PDE1C: variants seen among roughly 807,000 people sequenced by gnomAD.
PDE1C encodes dual specificity calcium/calmodulin-dependent 3',5'-cyclic nucleotide phosphodiesterase 1C.
PDE1C carries 62 observed loss-of-function variants against 93.1 expected under a neutral mutation model. The ratio of observed to expected loss-of-function variants is 0.67; its 90% CI spans 0.54 to 0.82. The LOEUF (loss-of-function observed/expected upper bound fraction) is 0.82, where lower values mean the gene tolerates loss of function less well. Among genes scored for constraint, PDE1C ranks in the 40% least tolerant of loss-of-function variants. The pLI, the probability that PDE1C is intolerant of heterozygous loss-of-function variation, is 0.00. For synonymous variants in PDE1C, 325 were observed against 310.1 expected, an observed-to-expected ratio of 1.05 and a Z score of -0.50; for missense variants, 742 against 884.6, an observed-to-expected ratio of 0.84 and a Z score of 2.04.
intron 1 of PDE1C, among the ~76,000 whole-genome samples, chr7:32,231,316 TAC>T (rs146711222): frequency 1.6e-4 from 24 of 151,886 alleles, no homozygotes; most frequent in Non-Finnish European, 2.2e-4. Flanking sequence ...CCAACATAAA[TAC>T]ACACACACAC....
At chr7:32,417,638 A>C (rs919385624) in intron 1 of PDE1C, among the ~76,000 whole-genome samples, 3 of 138,242 alleles carry the variant, frequency 2.2e-5, no homozygotes, top group Non-Finnish European at 3.1e-5. Flanking sequence ...GAAAAGTTCT[A>C]TTTTTTTTTT....
chr7:32,359,207 C>A (rs1379445533), intron 1 of PDE1C, among the ~76,000 whole-genome samples: 2 of 152,064 alleles, frequency 1.3e-5, no homozygotes, highest in East Asian at 1.9e-4. Flanking sequence ...ATCCTCCGAC[C>A]ACCTCCCTTT....
the PDE1C span, among the ~76,000 whole-genome samples, chr7:31,720,758 C>T: frequency 2.0e-5 from 3 of 152,230 alleles, no homozygotes; most frequent in South Asian, 2.1e-4. Flanking sequence ...ACAGAGGATG[C>T]TTTTGTTTTT....
chr7:31,875,277 T>A (rs1450517666), intron 5 of PDE1C, among the ~76,000 whole-genome samples: 1 of 152,098 alleles, frequency 6.6e-6, no homozygotes, highest in Non-Finnish European at 1.5e-5. Context: ...AATAAAGAGA[T>A]TATCATGATA....
intron 7 of PDE1C, among the ~76,000 whole-genome samples, chr7:31,855,155 G>A (rs1297385939): frequency 6.6e-6 from 1 of 151,832 alleles, no homozygotes; most frequent in African/African-American, 2.4e-5. Flanking sequence ...TGGGTTCTCT[G>A]GTCAGGGTAT....
rs34494376 is a variant in PDE1C at position 32,370,447 on chromosome 7, C to CAA, written c.310+57373_310+57374dup. On this transcript the variant is annotated intron_variant, in intron 1 of 1. Coordinates refer to the PDE1C transcript ENST00000672256. ...CTGGGCGACAGAGTGAGACTCCTCTCAAAAAAAAAAAAAAAAAGGATGAGT... is the reference window on the plus strand; with the variant it reads ...CTGGGCGACAGAGTGAGACTCCTCTCAAAAAAAAAAAAAAAAAAAGGATGAGT... Among the ~76,000 whole-genome samples the CAA allele has an allele frequency of 2.1e-3, 253 of 120,216 alleles. 5 individuals carry two copies. The highest frequency in any genetic ancestry group is 7.4e-3 in the African/African-American group (239 of 32,466). The allele number at this position is 120,216 out of a possible 152,430, so 78.9% of individuals were successfully genotyped here. A position where few individuals can be genotyped will look rare whatever the true frequency, so the allele number is the denominator to read the frequency against.
chr7:32,341,009 A>G (rs1380977681), intron 1 of PDE1C, among the ~76,000 whole-genome samples: 1 of 152,000 alleles, frequency 6.6e-6, no homozygotes, highest in East Asian at 1.9e-4. Flanking sequence ...ACTTTGGGTG[A>G]TAATGATGTG....
Position 31,999,960 on chromosome 7 carries a change from G to A in PDE1C, c.128+51594C>T, listed in dbSNP as rs1344031038. ...TTCCATGCAGAGGCAGGGAGTTAGG[G>A]GGAGAGTTGAGAGAATCAGATTACA... On this transcript the variant is annotated intron_variant, in intron 2 of 17. Transcript: ENST00000396191. Among the ~76,000 whole-genome samples the A allele has an allele frequency of 4.6e-5, 7 of 152,228 alleles. No homozygotes were observed. In the South Asian group the frequency reaches 6.2e-4, roughly 14 times the overall value.
rs143584668 is a variant in PDE1C, at chr7:32,097,242, G to A, written c.308+72543C>T. 2.4e-3 allele frequency among the ~76,000 whole-genome samples: 373 copies of A among 152,346 alleles called. 2 individuals are homozygous for A. Among genetic ancestry groups the A allele is most frequent in the African/African-American group, 8.8e-3 (364 of 41,574 alleles). ...AGAAACACCCTCCCAGACAGAGTCA[G>A]TACAGTATTTGGCCAGATGTCTAGG... On this transcript the variant is annotated intron_variant, in intron 3 of 18. Coordinates refer to the PDE1C transcript ENST00000396193.
At chr7:31,665,598 T>C in the PDE1C span, among the ~76,000 whole-genome samples, 56 of 152,252 alleles carry the variant, frequency 3.7e-4, no homozygotes, top group Admixed American at 2.0e-4. Context: ...AAGGAATTTT[T>C]AGTTTGGGGA....
intron 6 of PDE1C, among the ~76,000 whole-genome samples, chr7:31,871,062 C>T (rs1378223880): frequency 6.6e-6 from 1 of 151,284 alleles, no homozygotes; most frequent in Non-Finnish European, 1.5e-5. Context: ...GAATAAGAAA[C>T]CCATAAATAA....
chr7:31,989,577 A>G (rs1445420981), intron 2 of PDE1C, among the ~76,000 whole-genome samples: 4 of 150,568 alleles, frequency 2.7e-5, no homozygotes, highest in African/African-American at 1.0e-4. Flanking sequence ...GTGGTTTCTC[A>G]AACACTTTCT....
At chr7:32,227,117 G>A (rs1807340881) in intron 1 of PDE1C, among the ~76,000 whole-genome samples, 1 of 152,194 alleles carries the variant, frequency 6.6e-6, no homozygotes, top group Non-Finnish European at 1.5e-5. Context: ...AGTCCCTAGT[G>A]TGTGCTCAAG....
chr7:32,175,274 A>G (rs1040374781), intron 2 of PDE1C, among the ~76,000 whole-genome samples: 5 of 152,240 alleles, frequency 3.3e-5, no homozygotes, highest in African/African-American at 1.2e-4. Flanking sequence ...TAAAGCAAGT[A>G]TCACAATATA....
chr7:32,395,162 T>C (rs112252185), intron 1 of PDE1C, among the ~76,000 whole-genome samples: 66 of 152,340 alleles, frequency 4.3e-4, no homozygotes, highest in African/African-American at 1.6e-3. Context: ...ACATGCTATG[T>C]GCCAAGAACT....
At chr7:32,111,681 A>C (rs553186721) in intron 3 of PDE1C, among the ~76,000 whole-genome samples, 3 of 152,344 alleles carry the variant, frequency 2.0e-5, no homozygotes, top group Admixed American at 6.5e-5. Context: ...TTCAGAGCTA[A>C]TAAGGCAGAT....
the PDE1C span, among the ~76,000 whole-genome samples, chr7:31,638,628 A>C: frequency 1.3e-5 from 2 of 152,340 alleles, no homozygotes; most frequent in African/African-American, 4.8e-5. Context: ...GATGTTACTC[A>C]ACTGTCTTCT....
intron 2 of PDE1C, among the ~76,000 whole-genome samples, chr7:31,888,249 CAAAAAAA>C (rs34112969): frequency 1.6e-4 from 7 of 44,210 alleles, no homozygotes; most frequent in African/African-American, 2.5e-4. Flanking sequence ...GACTCAGTCT[CAAAAAAA>C]AAAAAAAAAA....
intron 1 of PDE1C, among the ~76,000 whole-genome samples, chr7:32,251,885 C>T: frequency 6.6e-6 from 1 of 152,194 alleles, no homozygotes; most frequent in East Asian, 1.9e-4. Flanking sequence ...TATTCCCCTC[C>T]TCACACTCAG....
Sources: gnomAD v4.1 joint callset for allele counts (sites outside exome capture counted in the v4.1 genomes callset) on GRCh38, gnomAD v4.1.1 for gene constraint, MANE v1.5 for transcripts, NCBI Gene and HGNC (gene_info 2026-07-23, HGNC 2026-07-21) for gene names.